The following ACTRT1 variants were observed in gnomAD, a reference collection of about 807,000 sequenced individuals.
ACTRT1 encodes actin related protein T1, also known as actin-related protein T1.
Under a neutral mutation model 1.4 loss-of-function variants are expected in ACTRT1, and 1 was observed. The observed-to-expected ratio is 0.69, with a 90% CI of 0.25 to 3.28. The LOEUF (loss-of-function observed/expected upper bound fraction) is 3.28, where lower values mean the gene tolerates loss of function less well. Ranked by LOEUF, ACTRT1 falls within the 30% of genes most tolerant of loss-of-function variation. ACTRT1 has a pLI of 0.20. For synonymous variants in ACTRT1, 121 were observed against 115.2 expected (o/e 1.05, Z -0.32); for missense variants, 334 against 291.5 (o/e 1.15, Z -1.06).
Position 128,051,421 on chromosome X carries a change from A to T in ACTRT1, c.786T>A (p.Leu262=), listed in dbSNP as rs1927763056. ...GDELYQVPEV[L]FAPDQLGIHS... ...GGATGCCCAGCTGGTCAGGTGCAAA[A>T]AGAACCTCGGGCACTTGGTACAGCT... Residue 262 remains leucine (L), a synonymous_variant, in exon 1 of 1, where the codon CTT becomes CTA. Coordinates refer to ENST00000371124, the MANE Select transcript of ACTRT1 (RefSeq NM_138289.4). 8.3e-7 allele frequency: 1 copy of T among 1,210,441 alleles called. No homozygotes were observed. The highest frequency in any genetic ancestry group is 1.7e-5 in the African/African-American group (1 of 57,388).
chrX:128,051,261 T>C lies in ACTRT1; in HGVS notation c.946A>G (p.Lys316Glu). ...TTGGAAGCCAGCTGTTCCACTTCCT[T>C]CATGAGCCTTTCCTCCAGCCCAGGG... ...LLPGLEERLM[K>E]EVEQLASKGT... The change falls in exon 1 of 1, where the codon AAG becomes GAG. Residue 316 changes from lysine to glutamate, a missense_variant. Physicochemically the swap from Lys to Glu is moderately conservative, Grantham distance 56 (BLOSUM62 1). Coordinates refer to ENST00000371124, the MANE Select transcript of ACTRT1 (RefSeq NM_138289.4). The C allele has an allele frequency of 8.3e-7, 1 of 1,210,949 alleles. No homozygotes were observed. Among genetic ancestry groups the C allele is most frequent in the African/African-American group, 1.7e-5 (1 of 57,568 alleles).
chrX:128,051,744 C>G lies in ACTRT1; in HGVS notation c.463G>C (p.Val155Leu), dbSNP rs1426014686. 8.3e-7 allele frequency: 1 copy of G among 1,209,218 alleles called. No homozygotes were observed. Among genetic ancestry groups the G allele is most frequent in the African/African-American group, 1.8e-5 (1 of 57,007 alleles). The change falls in exon 1 of 1, where the codon GTG becomes CTG. Residue 155 changes from valine to leucine, a missense_variant. Val to Leu is a conservative substitution (Grantham distance 32). Coordinates refer to ENST00000371124, the MANE Select transcript of ACTRT1 (RefSeq NM_138289.4). ...LYASACVTGLVVDSGDGVTCT... is the reference protein window; with the variant it reads ...LYASACVTGLLVDSGDGVTCT... ...GTGACCCCATCTCCACTGTCCACCA[C>G]CAGGCCTGTGACACAGGCAGAGGCA...
Position 128,051,897 on chromosome X carries a change from GTT to G in ACTRT1, c.308_309del (p.Gln103ProfsTer13), listed in dbSNP as rs764199744. 45 of 1,209,962 alleles carry G rather than the reference GTT, an allele frequency of 3.7e-5. No individual in the cohort carries two copies. Among genetic ancestry groups the G allele is most frequent in the Non-Finnish European group, 4.9e-5 (44 of 895,252 alleles). ...FERELGVKPSQQPVLMTEPSL... is the reference protein window; with the variant it reads ...FERELGVKPSXQPVLMTEPSL... The stretch of plus-strand genomic sequence containing the variant: ...GAGGGCTCGGTCATAAGTACAGGCT[GTT>G]GGCTGGGTTTTACTCCAAGCTCCCG... On this transcript the variant is annotated frameshift_variant, in exon 1 of 1. Transcript: ENST00000371124. LOFTEE classifies it low-confidence loss of function (END_TRUNC).
chrX:128,051,748 G>C lies in ACTRT1; in HGVS notation c.459C>G (p.Gly153=), dbSNP rs768582666. 1 of 1,211,231 alleles carries C rather than the reference G, an allele frequency of 8.3e-7. No individual in the cohort carries two copies. Among genetic ancestry groups the C allele is most frequent in the Non-Finnish European group, 1.1e-6 (1 of 895,401 alleles). The change falls in exon 1 of 1, where the codon GGC becomes GGG. Residue 153 remains glycine, a synonymous_variant. Transcript: ENST00000371124. ...AALYASACVT[G]LVVDSGDGVT... ...CCCCATCTCCACTGTCCACCACCAG[G>C]CCTGTGACACAGGCAGAGGCATAGA...
At position 128,051,327 on chromosome X, in the gene ACTRT1, G is replaced by C. The variant is rs776747762; in HGVS notation, c.880C>G (p.Leu294Val). Residue 294 changes from leucine (L) to valine (V), a missense_variant, in exon 1 of 1, where the codon CTT becomes GTT. Coordinates refer to ENST00000371124, the MANE Select transcript of ACTRT1 (RefSeq NM_138289.4). ...CCGGAGAGTACAATGTCTGCATAAA[G>C]TTTATTCTGGATGTCAGTGTCACAC... The part of the protein sequence containing the change: ...MKCDTDIQNK[L>V]YADIVLSGGT... 8.3e-7 allele frequency: 1 copy of C among 1,210,598 alleles called. No homozygotes were observed. The highest frequency in any genetic ancestry group is 1.1e-6 in the Non-Finnish European group (1 of 895,328).
In ACTRT1 at chrX:128,051,470, C is replaced by A. The variant is rs745751931; in HGVS notation, c.737G>T (p.Gly246Val). The A allele has an allele frequency of 1.7e-6, 2 of 1,210,923 alleles. No homozygotes were observed. ...CTCATCCCCAAAGTGGATGACATGT[C>A]CATCTGGCAGTCTGTATGCTCCCAG... ...EVLGAYRLPD[G>V]HVIHFGDELY... is the part of the protein sequence containing the mutation. The change falls in exon 1 of 1, where the codon GGA (glycine) becomes GTA (valine). Residue 246 changes from glycine (G) to valine (V), a missense_variant. Physicochemically the swap from Gly to Val is moderately radical, Grantham distance 109. Transcript: ENST00000371124.
chrX:128,052,327 A>C lies in ACTRT1; in HGVS notation c.-121T>G, dbSNP rs1413731429. The stretch of plus-strand genomic sequence containing the variant: ...CAGGGTTCTGAAGTTTCAAGTTGTC[A>C]CCCATGTACAGCTAGTAGGCTACCT... On this transcript the variant is annotated 5_prime_UTR_variant, in exon 1 of 1. Coordinates refer to ENST00000371124, the MANE Select transcript of ACTRT1 (RefSeq NM_138289.4). The C allele has an allele frequency of 1.3e-6, 1 of 765,131 alleles. No homozygotes were observed. Among genetic ancestry groups the C allele is most frequent in the Non-Finnish European group, 1.9e-6 (1 of 538,355 alleles). The allele number at this position is 765,131 out of a possible 1,213,427, so 63.1% of individuals were successfully genotyped here.
rs767357963 is a variant in ACTRT1, at chrX:128,052,195, T to A, written c.12A>T (p.Pro4=). 2 of 1,195,259 alleles carry A rather than the reference T, an allele frequency of 1.7e-6. No individual in the cohort carries two copies. Among genetic ancestry groups the A allele is most frequent in the South Asian group, 3.7e-5 (2 of 54,232 alleles). Residue 4 remains proline, a synonymous_variant, in exon 1 of 1, where the codon CCA becomes CCT. Transcript: ENST00000371124. ...TTACAGCAGGAACATCTAATGCATG[T>A]GGATTAAACATGTCTGTAATATGTT... MFN[P]HALDVPAVIF... is the part of the protein sequence containing the mutation.
In ACTRT1 at chrX:128,051,356, A is replaced by G. The variant is rs139358749; in HGVS notation, c.851T>C (p.Met284Thr). 5 of 1,207,819 alleles carry G rather than the reference A, an allele frequency of 4.1e-6. No individual in the cohort carries two copies. In the South Asian group the frequency reaches 5.3e-5, roughly 13 times the overall value. Reference sequence around the variant, plus strand: ...ATTCTGGATGTCAGTGTCACACTTCATGATGCTGCTGGAGACCATTTTTGA... The same window carrying G: ...ATTCTGGATGTCAGTGTCACACTTCGTGATGCTGCTGGAGACCATTTTTGA... ...GLSKMVSSSI[M>T]KCDTDIQNKL... The change falls in exon 1 of 1, where the codon ATG (methionine) becomes ACG (threonine). Residue 284 changes from methionine (M) to threonine (T), a missense_variant. Coordinates refer to ENST00000371124, the MANE Select transcript of ACTRT1 (RefSeq NM_138289.4).
rs1246843906 is a variant in ACTRT1 at position 128,051,293 on chromosome X, G to T, written c.914C>A (p.Thr305Asn). 1.1e-5 allele frequency: 13 copies of T among 1,210,925 alleles called. No homozygotes were observed. Among genetic ancestry groups the T allele is most frequent in the Non-Finnish European group, 1.1e-5 (10 of 895,383 alleles). Residue 305 changes from threonine (T) to asparagine (N), a missense_variant, in exon 1 of 1, where the codon ACT becomes AAT. By Grantham distance (65) the Thr-to-Asn change is moderately conservative. Transcript: ENST00000371124. ...CCTTTCCTCCAGCCCAGGGAGGAGA[G>T]TGGTGCCCCCGGAGAGTACAATGTC... ...YADIVLSGGT[T>N]LLPGLEERLM...
rs756708608 is a variant in ACTRT1, at chrX:128,051,613, A to G, written c.594T>C (p.Ala198=). 1.7e-6 allele frequency: 2 copies of G among 1,208,905 alleles called. No homozygotes were observed. The highest frequency in any genetic ancestry group is 3.5e-5 in the African/African-American group (2 of 56,881). Residue 198 remains alanine (A), a synonymous_variant, in exon 1 of 1, where the codon GCT becomes GCC. Coordinates refer to ENST00000371124, the MANE Select transcript of ACTRT1 (RefSeq NM_138289.4). ...ITEHLTRLLF[A]SGFNFPCILN... is the part of the protein sequence containing the mutation. The stretch of plus-strand genomic sequence containing the variant: ...GTATGCAAGGGAAGTTAAACCCGCT[A>G]GCAAAGAGGAGCCGGGTGAGGTGCT...
In ACTRT1 at chrX:128,051,142, C is replaced by T; in HGVS notation, c.1065G>A (p.Gln355=). ...TGAAGTCTGCCGAGGTGACCCACATCTGCTTGAAACTGCTCATAGAGGTCA... is the reference window on the plus strand; with the variant it reads ...TGAAGTCTGCCGAGGTGACCCACATTTGCTTGAAACTGCTCATAGAGGTCA... ...SIMTSMSSFK[Q]MWVTSADFKE... is the part of the protein sequence containing the mutation. Residue 355 remains glutamine, a synonymous_variant, in exon 1 of 1, where the codon CAG becomes CAA. Coordinates refer to ENST00000371124, the MANE Select transcript of ACTRT1 (RefSeq NM_138289.4). 8.3e-7 allele frequency: 1 copy of T among 1,209,494 alleles called. No individual in the cohort carries two copies. Among genetic ancestry groups the T allele is most frequent in the Non-Finnish European group, 1.1e-6 (1 of 895,149 alleles).
Position 128,051,444 on chromosome X carries a change from G to C in ACTRT1, c.763C>G (p.Leu255Val). 1 of 1,211,009 alleles carries C rather than the reference G, an allele frequency of 8.3e-7. No homozygotes were observed. ...DGHVIHFGDE[L>V]YQVPEVLFAP... is the part of the protein sequence containing the mutation. ...AAAAGAACCTCGGGCACTTGGTACA[G>C]CTCATCCCCAAAGTGGATGACATGT... Residue 255 changes from leucine to valine, a missense_variant, in exon 1 of 1, where the codon CTG becomes GTG. Transcript: ENST00000371124.
rs892515791 is a variant in ACTRT1 at position 128,052,041 on chromosome X, A to G, written c.166T>C (p.Phe56Leu). 7 of 1,209,814 alleles carry G rather than the reference A, an allele frequency of 5.8e-6. No individual in the cohort carries two copies. In the African/African-American group the frequency reaches 1.2e-4, roughly 21 times the overall value. Reference sequence around the variant, plus strand: ...TTGTACAGGGCTTCTTGCCCCACGAAGTACTTCTGATTAAGTCTTGCTAAA... The same window carrying G: ...TTGTACAGGGCTTCTTGCCCCACGAGGTACTTCTGATTAAGTCTTGCTAAA... ...VPLARLNQKY[F>L]VGQEALYKYE... The change falls in exon 1 of 1, where the codon TTC becomes CTC. Residue 56 changes from phenylalanine to leucine, a missense_variant. Transcript: ENST00000371124.
Position 128,051,629 on chromosome X carries a change from G to A in ACTRT1, c.578C>T (p.Thr193Ile). 8.3e-7 allele frequency: 1 copy of A among 1,211,310 alleles called. No individual in the cohort carries two copies. The highest frequency in any genetic ancestry group is 1.1e-6 in the Non-Finnish European group (1 of 895,412). ...AAACCCGCTAGCAAAGAGGAGCCGG[G>A]TGAGGTGCTCTGTGATGTCCCTCCC... ...MAGRDITEHL[T>I]RLLFASGFNF... Residue 193 changes from threonine to isoleucine, a missense_variant, in exon 1 of 1, where the codon ACC becomes ATC. Transcript: ENST00000371124.
rs767330187 is a variant in ACTRT1, at chrX:128,051,042, G to T, written c.*34C>A. On this transcript the variant is annotated 3_prime_UTR_variant, in exon 1 of 1. Transcript: ENST00000371124. ...TCTCCCACTGGTACTCCTGTAATCTGACACTTCAAGATGTCTCCTCTGCTC... is the reference window on the plus strand; with the variant it reads ...TCTCCCACTGGTACTCCTGTAATCTTACACTTCAAGATGTCTCCTCTGCTC... 4.2e-6 allele frequency: 5 copies of T among 1,179,774 alleles called. No individual in the cohort carries two copies. In the South Asian group the frequency reaches 9.4e-5, roughly 22 times the overall value.
chrX:128,051,639 C>T lies in ACTRT1; in HGVS notation c.568G>A (p.Glu190Lys). ...GCAAAGAGGAGCCGGGTGAGGTGCT[C>T]TGTGATGTCCCTCCCTGCCATACAG... ...KLCMAGRDITEHLTRLLFASG... is the reference protein window; with the variant it reads ...KLCMAGRDITKHLTRLLFASG... The change falls in exon 1 of 1, where the codon GAG (glutamate) becomes AAG (lysine). Residue 190 changes from glutamate (E) to lysine (K), a missense_variant. Physicochemically the swap from Glu to Lys is moderately conservative, Grantham distance 56 (BLOSUM62 1). Coordinates refer to ENST00000371124, the MANE Select transcript of ACTRT1 (RefSeq NM_138289.4). 1 of 1,211,084 alleles carries T rather than the reference C, an allele frequency of 8.3e-7. No individual in the cohort carries two copies. Among genetic ancestry groups the T allele is most frequent in the Non-Finnish European group, 1.1e-6 (1 of 895,314 alleles).
Position 128,052,026 on chromosome X carries a change from C to T in ACTRT1, c.181G>A (p.Ala61Thr). Residue 61 changes from alanine (A) to threonine (T), a missense_variant, in exon 1 of 1, where the codon GCC becomes ACC. Transcript: ENST00000371124. ...LNQKYFVGQE[A>T]LYKYEALHLH... ...TGTAGGGCCTCATACTTGTACAGGG[C>T]TTCTTGCCCCACGAAGTACTTCTGA... is the stretch of plus-strand genomic sequence containing the variant. The T allele has an allele frequency of 2.5e-6, 3 of 1,211,462 alleles. 1 individual carries two copies. The highest frequency in any genetic ancestry group is 3.5e-5 in the South Asian group (2 of 56,954).
rs1210105590 is a variant in ACTRT1 at position 128,051,733 on chromosome X, A to G, written c.474T>C (p.Ser158=). The part of the protein sequence containing the change: ...SACVTGLVVD[S]GDGVTCTVPI... ...GGACAGTGCAAGTGACCCCATCTCC[A>G]CTGTCCACCACCAGGCCTGTGACAC... Residue 158 remains serine, a synonymous_variant, in exon 1 of 1, where the codon AGT becomes AGC. Transcript: ENST00000371124. The G allele has an allele frequency of 8.3e-7, 1 of 1,208,927 alleles. No homozygotes were observed. The highest frequency in any genetic ancestry group is 1.1e-6 in the Non-Finnish European group (1 of 894,981).
Sources: allele counts gnomAD v4.1 joint callset, GRCh38; gene constraint gnomAD v4.1.1; transcripts MANE v1.5; gene names NCBI Gene and HGNC (gene_info 2026-07-23, HGNC 2026-07-21).